Variants in CATSPER2 observed in about 807,000 individuals in gnomAD.
CATSPER2 encodes the protein cation channel sperm associated 2.
Under a neutral mutation model 68.8 loss-of-function variants are expected in CATSPER2, and 56 were observed. That is an observed-to-expected ratio of 0.81 (90% CI 0.66 to 1.02). CATSPER2 has a LOEUF of 1.02. Among genes scored for constraint, CATSPER2 ranks in the 50% least tolerant of loss-of-function variants. CATSPER2 has a pLI of 0.00. For missense variants in CATSPER2, 582 were observed against 642.0 expected (o/e 0.91, Z 1.01); for synonymous variants, 198 against 229.9 (o/e 0.86, Z 1.26).
chr15:43,639,471 T>C, intron 6 of CATSPER2, 172 bp downstream of exon 6: 1 of 752,920 alleles, frequency 1.3e-6, no homozygotes, highest in South Asian at 1.6e-5. Flanking sequence ...TTCACCATGT[T>C]GGTCAGGCTG....
In CATSPER2 at chr15:43,639,008, C is replaced by T. The variant is rs772431410; in HGVS notation, c.738G>A (p.Met246Ile). ...AAATGTAGAAGAAGATGAGCAGCAA[C>T]ATCAAGAGGAAGGTCATGCTCTAGA... ...RALKSMTFLL[M>I]LLLIFFYIFA... The change falls in exon 7 of 13, where the codon ATG (methionine) becomes ATA (isoleucine). Residue 246 changes from methionine (M) to isoleucine (I), a missense_variant. Physicochemically the swap from Met to Ile is conservative, Grantham distance 10. Coordinates refer to ENST00000396879, the MANE Select transcript of CATSPER2 (RefSeq NM_172095.4). 53 of 1,612,706 alleles carry T rather than the reference C, an allele frequency of 3.3e-5. 1 individual carries two copies. Among genetic ancestry groups the T allele is most frequent in the South Asian group, 5.5e-5 (5 of 91,018 alleles).
chr15:43,647,569 C>A, intron 2 of CATSPER2, 102 bp from the exon 3 acceptor site: 5 of 1,069,588 alleles, frequency 4.7e-6, no homozygotes, highest in East Asian at 4.7e-5. Flanking sequence ...TCCCCTAATG[C>A]CTTACTGCTA....
chr15:43,639,048 T>C lies in CATSPER2; in HGVS notation c.718-20A>G. ...CATGCTCTAGAGGCCATAACTCTCATGTCAGATGTGGGCCAAACTAGGCTG... is the reference window on the plus strand; with the variant it reads ...CATGCTCTAGAGGCCATAACTCTCACGTCAGATGTGGGCCAAACTAGGCTG... On this transcript the variant is annotated intron_variant, in intron 6 of 12. Coordinates refer to ENST00000396879, the MANE Select transcript of CATSPER2 (RefSeq NM_172095.4). 9 of 1,610,654 alleles carry C rather than the reference T, an allele frequency of 5.6e-6. No individual in the cohort carries two copies. Among genetic ancestry groups the C allele is most frequent in the Non-Finnish European group, 7.6e-6 (9 of 1,178,088 alleles).
chr15:43,635,441 C>G, intron 9 of CATSPER2, 25 bp from the exon 10 acceptor site: 1 of 1,587,748 alleles, frequency 6.3e-7, no homozygotes, highest in East Asian at 2.2e-5. Context: ...AAAAAAAGAG[C>G]AAAGACAGTT....
chr15:43,646,963 C>T (rs1209791659), intron 4 of CATSPER2, 87 bp downstream of exon 4: 26 of 1,140,342 alleles, frequency 2.3e-5, no homozygotes, highest in South Asian at 7.4e-5. Flanking sequence ...GCAATCCACA[C>T]GCCCCGGCCT....
intron 12 of CATSPER2, 33 bp downstream of exon 12, chr15:43,632,166 C>T (rs1360625435): frequency 6.2e-7 from 1 of 1,604,478 alleles, no homozygotes; most frequent in African/African-American, 1.3e-5. Flanking sequence ...TATATATATT[C>T]CCATGGTCCC....
rs757123908 is a variant in CATSPER2, at chr15:43,636,210, C to T, written c.852G>A (p.Pro284=). The T allele has an allele frequency of 4.5e-5, 73 of 1,612,920 alleles. 2 individuals carry two copies. Among genetic ancestry groups the T allele is most frequent in the East Asian group, 4.2e-4 (19 of 44,856 alleles). Residue 284 remains proline, a synonymous_variant, in exon 8 of 13, where the codon CCG becomes CCA. Transcript: ENST00000396879. ...LEYHVFFSDL[P]NSLVTVFILF... ...GAATGAACACTGTTACCAGGGAATT[C>T]GGGAGGTCCCTAAAGAAAAAGACAT...
intron 4 of CATSPER2, among the ~76,000 whole-genome samples, chr15:43,641,945 G>A (rs1376009036): frequency 3.3e-5 from 5 of 151,858 alleles, no homozygotes; most frequent in African/African-American, 4.8e-5. Flanking sequence ...CGATCCGCCC[G>A]CCTTGGTCTC....
At chr15:43,647,505 A>G (rs746402010) in intron 2 of CATSPER2, 38 bp from the exon 3 acceptor site, 1 of 1,596,444 alleles carries the variant, frequency 6.3e-7, no homozygotes, top group Non-Finnish European at 8.6e-7. Flanking sequence ...GGATAAATAC[A>G]AACAAAATAG....
intron 7 of CATSPER2, among the ~76,000 whole-genome samples, 173 bp from the exon 8 acceptor site, chr15:43,636,392 T>TG (rs960482990): frequency 4.6e-5 from 7 of 152,024 alleles, no homozygotes; most frequent in African/African-American, 9.6e-5. Context: ...GAAGTTTTTT[T>TG]TTGTTGTTGT....
chr15:43,636,948 G>A (rs75272924), intron 7 of CATSPER2, among the ~76,000 whole-genome samples: 1 of 150,590 alleles, frequency 6.6e-6, no homozygotes, highest in Non-Finnish European at 1.5e-5. Context: ...TCAGCCTCCC[G>A]AGTAGTTGGG....
Position 43,638,976 on chromosome 15 carries a change from A to C in CATSPER2, c.770T>G (p.Val257Gly), listed in dbSNP as rs780874595. The C allele has an allele frequency of 1.2e-6, 2 of 1,613,222 alleles. No individual in the cohort carries two copies. The highest frequency in any genetic ancestry group is 1.3e-5 in the African/African-American group (1 of 74,932). The change falls in exon 7 of 13, where the codon GTG becomes GGG. Residue 257 changes from valine to glycine, a missense_variant. Transcript: ENST00000396879. ...CTCTGAGAAGACGTAGACACCAGTCACAGCAAAAATGTAGAAGAAGATGAG... is the reference window on the plus strand; with the variant it reads ...CTCTGAGAAGACGTAGACACCAGTCCCAGCAAAAATGTAGAAGAAGATGAG... Reference protein sequence around the residue: ...LLLIFFYIFAVTGVYVFSEYT... With the variant: ...LLLIFFYIFAGTGVYVFSEYT...
chr15:43,632,047 C>T (rs1435737915), intron 12 of CATSPER2, 152 bp downstream of exon 12: 2 of 848,476 alleles, frequency 2.4e-6, no homozygotes, highest in Non-Finnish European at 3.8e-6. Context: ...ATGTGACATA[C>T]CAAACCAAGA....
In CATSPER2 at chr15:43,638,968, C is replaced by T; in HGVS notation, c.778G>A (p.Val260Ile). ...IFFYIFAVTG[V>I]YVFSEYTRSP... ...CGGGTGTACTCTGAGAAGACGTAGA[C>T]ACCAGTCACAGCAAAAATGTAGAAG... is the stretch of plus-strand genomic sequence containing the variant. The change falls in exon 7 of 13, where the codon GTC (valine) becomes ATC (isoleucine). Residue 260 changes from valine to isoleucine, a missense_variant. Val to Ile is a conservative substitution (Grantham distance 29). Transcript: ENST00000396879. 3 of 1,613,196 alleles carry T rather than the reference C, an allele frequency of 1.9e-6. No individual in the cohort carries two copies. The highest frequency in any genetic ancestry group is 2.5e-6 in the Non-Finnish European group (3 of 1,179,512).
intron 7 of CATSPER2, 102 bp from the exon 8 acceptor site, chr15:43,636,321 T>C: frequency 6.7e-7 from 1 of 1,494,154 alleles, no homozygotes; most frequent in Non-Finnish European, 9.2e-7. Context: ...TCTTTGTAGT[T>C]TGTTCTGATT....
At chr15:43,631,260 C>G (rs2085865514) in intron 12 of CATSPER2, among the ~76,000 whole-genome samples, 2 of 151,984 alleles carry the variant, frequency 1.3e-5, no homozygotes, top group African/African-American at 4.8e-5. Flanking sequence ...GAGACGGAGC[C>G]TCATTCTTTT....
intron 12 of CATSPER2, among the ~76,000 whole-genome samples, 198 bp from the exon 13 acceptor site, chr15:43,630,930 T>C (rs2085859974): frequency 6.6e-6 from 1 of 152,014 alleles, no homozygotes; most frequent in Non-Finnish European, 1.5e-5. Context: ...TGCTGCATTT[T>C]CCTCCTTTTC....
rs772244535 is a variant in CATSPER2 at position 43,647,374 on chromosome 15, G to C, written c.239C>G (p.Ala80Gly). The C allele has an allele frequency of 6.2e-7, 1 of 1,613,068 alleles. No homozygotes were observed. The highest frequency in any genetic ancestry group is 1.1e-5 in the South Asian group (1 of 91,030). The change falls in exon 3 of 13, where the codon GCC (alanine) becomes GGC (glycine). Residue 80 changes from alanine to glycine, a missense_variant. Transcript: ENST00000396879. ...ATGAAGCCTGCTCAACAGCCTCTGG[G>C]CATGTGAAATCTGTTCTATACGCTG... ...KPQRIEQISHAQRLLSRLHVR... is the reference protein window; with the variant it reads ...KPQRIEQISHGQRLLSRLHVR...
chr15:43,648,214 A>G (rs1390117339), intron 1 of CATSPER2, 151 bp from the exon 2 acceptor site: 51 of 948,806 alleles, frequency 5.4e-5, no homozygotes, highest in Non-Finnish European at 1.7e-6. Flanking sequence ...GGGAAGAACA[A>G]ACATTCTACT....
Sources: gnomAD v4.1 joint callset for allele counts (sites outside exome capture counted in the v4.1 genomes callset) on GRCh38, gnomAD v4.1.1 for gene constraint, MANE v1.5 for transcripts, NCBI Gene and HGNC (gene_info 2026-07-23, HGNC 2026-07-21) for gene names.